Variants in KHDRBS2 observed in about 807,000 individuals in gnomAD.
The protein encoded by KHDRBS2 is KH domain-containing, RNA-binding, signal transduction-associated protein 2.
A neutral mutation model predicts 44.3 loss-of-function variants in KHDRBS2; 26 were observed. The ratio of observed to expected loss-of-function variants is 0.59; its 90% confidence interval spans 0.43 to 0.81. The LOEUF (loss-of-function observed/expected upper bound fraction) is 0.81, where lower values mean the gene tolerates loss of function less well. Among genes scored for constraint, KHDRBS2 ranks in the 40% least tolerant of loss-of-function variants. The probability of loss-of-function intolerance (pLI) is 0.00; values close to 1 mark genes in which losing one functional copy is unlikely to be tolerated. For missense variants in KHDRBS2, 476 were observed against 433.1 expected (o/e 1.10, Z -0.88); for synonymous variants, 194 against 151.1 (o/e 1.28, Z -2.08).
intron 3 of KHDRBS2, among the ~76,000 whole-genome samples, chr6:61,985,683 T>G (rs987805230): frequency 2.6e-5 from 4 of 152,172 alleles, no homozygotes; most frequent in Middle Eastern, 3.2e-3. Flanking sequence ...GACGATAATG[T>G]TCTGCAAGTC....
At chr6:61,785,017 C>T (rs1001749836) in intron 6 of KHDRBS2, among the ~76,000 whole-genome samples, 7 of 151,878 alleles carry the variant, frequency 4.6e-5, no homozygotes, top group African/African-American at 9.7e-5. Flanking sequence ...GGCATGGTGG[C>T]GCATGTCTGT....
chr6:61,970,582 A>G (rs938018963), intron 4 of KHDRBS2, among the ~76,000 whole-genome samples: 10 of 152,160 alleles, frequency 6.6e-5, no homozygotes, highest in Non-Finnish European at 1.2e-4. Context: ...AGAACTCTGA[A>G]CACATCGAAG....
At chr6:62,065,674 C>A (rs1395775575) in intron 2 of KHDRBS2, among the ~76,000 whole-genome samples, 1 of 146,432 alleles carries the variant, frequency 6.8e-6, no homozygotes, top group African/African-American at 2.5e-5. Flanking sequence ...GGGAGATATA[C>A]CTAATGCTAG....
the KHDRBS2 span, among the ~76,000 whole-genome samples, chr6:61,586,402 C>T: frequency 6.6e-5 from 10 of 152,206 alleles, no homozygotes; most frequent in South Asian, 1.2e-3. Context: ...ATATCTTCCA[C>T]GTTTTCCACC....
intron 6 of KHDRBS2, among the ~76,000 whole-genome samples, chr6:61,804,662 TCTGTAGAC>T (rs1786847614): frequency 1.3e-5 from 2 of 152,212 alleles, no homozygotes; most frequent in African/African-American, 4.8e-5. Context: ...ATTCTTGATT[TCTGTAGAC>T]CTGCAGTCCC....
chr6:62,249,717 CTT>C (rs1836211830), intron 1 of KHDRBS2, among the ~76,000 whole-genome samples: 1 of 151,990 alleles, frequency 6.6e-6, no homozygotes, highest in East Asian at 1.9e-4. Flanking sequence ...CAATGCATGA[CTT>C]GTGTTCTATT....
At chr6:61,905,858 T>C (rs1020152050) in intron 4 of KHDRBS2, among the ~76,000 whole-genome samples, 5 of 145,050 alleles carry the variant, frequency 3.4e-5, no homozygotes, top group Middle Eastern at 3.4e-3. Context: ...ACTTTTCTTT[T>C]TTTTTTTTTT....
chr6:61,767,457 C>A (rs1780181440), intron 6 of KHDRBS2, among the ~76,000 whole-genome samples: 1 of 151,950 alleles, frequency 6.6e-6, no homozygotes, highest in African/African-American at 2.4e-5. Flanking sequence ...TATTTACATT[C>A]AATATTATTA....
At chr6:61,797,728 TGTGTG>T (rs1785586257) in intron 6 of KHDRBS2, among the ~76,000 whole-genome samples, 4 of 16,016 alleles carry the variant, frequency 2.5e-4, no homozygotes, top group African/African-American at 7.7e-4. Flanking sequence ...TGGTGTTTTG[TGTGTG>T]TGTGTGTGTG....
At chr6:61,612,870 T>G in the KHDRBS2 span, among the ~76,000 whole-genome samples, 3 of 78,726 alleles carry the variant, frequency 3.8e-5, no homozygotes, top group African/African-American at 1.2e-4. Flanking sequence ...TTTTTTTTTT[T>G]GAGACGGAGT....
At chr6:62,120,145 G>A (rs1310189865) in intron 2 of KHDRBS2, among the ~76,000 whole-genome samples, 1 of 152,142 alleles carries the variant, frequency 6.6e-6, no homozygotes, top group Middle Eastern at 3.2e-3. Context: ...GTTAAAAAAG[G>A]TTCTAATAGT....
intron 7 of KHDRBS2, among the ~76,000 whole-genome samples, chr6:61,704,619 T>C (rs1769200244): frequency 6.6e-6 from 1 of 151,798 alleles, no homozygotes; most frequent in Non-Finnish European, 1.5e-5. Context: ...GTTTGGATTT[T>C]ATATTAGGAG....
intron 2 of KHDRBS2, among the ~76,000 whole-genome samples, chr6:62,171,763 G>T (rs183335698): frequency 6.6e-6 from 1 of 152,094 alleles, no homozygotes; most frequent in African/African-American, 2.4e-5. Flanking sequence ...AAGAGATTGA[G>T]GGCCTATATT....
chr6:61,735,604 T>C (rs1775205846), intron 6 of KHDRBS2, among the ~76,000 whole-genome samples: 1 of 152,186 alleles, frequency 6.6e-6, no homozygotes, highest in Admixed American at 6.6e-5. Flanking sequence ...CTTCCCAAAA[T>C]ATTAACTTTT....
intron 3 of KHDRBS2, among the ~76,000 whole-genome samples, chr6:62,015,866 C>T (rs910061958): frequency 6.6e-6 from 1 of 152,124 alleles, no homozygotes; most frequent in South Asian, 2.1e-4. Flanking sequence ...TCTTGAATCA[C>T]AAAGGTTAAA....
At chr6:61,621,031 G>A in the KHDRBS2 span, among the ~76,000 whole-genome samples, 3 of 152,230 alleles carry the variant, frequency 2.0e-5, no homozygotes, top group African/African-American at 7.2e-5. Context: ...GCTTCTCATA[G>A]GACTCAAAGT....
At chr6:62,266,551 C>CT (rs543454642) in intron 1 of KHDRBS2, among the ~76,000 whole-genome samples, 1 of 151,908 alleles carries the variant, frequency 6.6e-6, no homozygotes, top group East Asian at 1.9e-4. Context: ...ATGTGGGCTC[C>CT]TTTTTTTGCA....
At chr6:61,729,393 G>A (rs543824035) in intron 7 of KHDRBS2, among the ~76,000 whole-genome samples, 6 of 152,100 alleles carry the variant, frequency 3.9e-5, no homozygotes, top group Non-Finnish European at 7.4e-5. Flanking sequence ...CCTGGGTGAT[G>A]AAATAATCTG....
intron 6 of KHDRBS2, among the ~76,000 whole-genome samples, chr6:61,875,372 A>G (rs1230683477): frequency 1.3e-5 from 2 of 152,094 alleles, no homozygotes; most frequent in Admixed American, 6.6e-5. Context: ...CTTGTCCATA[A>G]AAGTCCAGTT....
Sources: gnomAD v4.1 joint callset for allele counts (sites outside exome capture counted in the v4.1 genomes callset) on GRCh38, gnomAD v4.1.1 for gene constraint, MANE v1.5 for transcripts, NCBI Gene and HGNC (gene_info 2026-07-23, HGNC 2026-07-21) for gene names.